WDR64: variants seen among roughly 807,000 people sequenced by gnomAD.
WDR64 encodes WD repeat-containing protein 64.
WDR64 carries 112 observed loss-of-function variants against 139.3 expected under a neutral mutation model. That is an observed-to-expected ratio of 0.80 (90% CI 0.69 to 0.94). The LOEUF (loss-of-function observed/expected upper bound fraction) is 0.94. WDR64 is among the 40% of genes least tolerant of loss of function. The pLI is 0.00. For synonymous variants in WDR64, 444 were observed against 437.7 expected (o/e 1.01, Z -0.18); for missense variants, 1,206 against 1,293.1 (o/e 0.93, Z 1.03).
chr1:241,759,072 G>A (rs1476376405), intron 15 of WDR64, among the ~76,000 whole-genome samples: 3 of 151,710 alleles, frequency 2.0e-5, no homozygotes, highest in African/African-American at 7.3e-5. Context: ...TTTGCTTTAT[G>A]CTATTATTTA....
At chr1:241,772,124 T>C (rs1239141684) in intron 19 of WDR64, among the ~76,000 whole-genome samples, 1 of 149,560 alleles carries the variant, frequency 6.7e-6, no homozygotes, top group African/African-American at 2.4e-5. Context: ...TCTTAGTCTC[T>C]AGCCATTTTT....
chr1:241,767,860 C>G (rs1240462938), intron 16 of WDR64, among the ~76,000 whole-genome samples: 1 of 152,156 alleles, frequency 6.6e-6, no homozygotes, highest in Non-Finnish European at 1.5e-5. Flanking sequence ...GGATCCTGCC[C>G]CTGGAATTCC....
chr1:241,757,559 G>A lies in WDR64; in HGVS notation c.1947+100G>A, dbSNP rs926310317. On this transcript the variant is annotated intron_variant, in intron 15 of 27. Coordinates refer to ENST00000437684, the MANE Select transcript of WDR64 (RefSeq NM_001367482.1). The stretch of plus-strand genomic sequence containing the variant: ...AGAAAATAATACAAAGAGCTTCTAT[G>A]TGTTATCACTCAGCTTCGAGAACTT... The A allele has an allele frequency of 2.7e-6, 3 of 1,112,542 alleles. No homozygotes were observed. The African/African-American group carries it at 4.8e-5, about 18-fold the overall frequency. The allele number at this position is 1,112,542 out of a possible 1,614,324, so 68.9% of individuals were successfully genotyped here.
chr1:241,789,696 A>G (rs1307316032), intron 24 of WDR64, among the ~76,000 whole-genome samples: 1 of 152,202 alleles, frequency 6.6e-6, no homozygotes, highest in Admixed American at 6.6e-5. Flanking sequence ...GTGGACACAC[A>G]GAGGGGAACA....
intron 8 of WDR64, among the ~76,000 whole-genome samples, chr1:241,690,935 C>T (rs1019214738): frequency 2.0e-5 from 3 of 151,962 alleles, no homozygotes; most frequent in Admixed American, 1.3e-4. Context: ...AATATATACA[C>T]ATATAAACAT....
intron 9 of WDR64, among the ~76,000 whole-genome samples, chr1:241,713,461 A>G (rs77365950): frequency 0.074 from 10,320 of 139,874 alleles, 470 homozygotes; most frequent in East Asian, 0.18. Context: ...AAGGAAAGGA[A>G]GGAAGGAAAG....
chr1:241,776,610 T>C (rs1658663517), intron 21 of WDR64, among the ~76,000 whole-genome samples: 2 of 152,216 alleles, frequency 1.3e-5, no homozygotes, highest in African/African-American at 4.8e-5. Context: ...TTCGCTTATC[T>C]ATCAATCTGT....
intron 7 of WDR64, among the ~76,000 whole-genome samples, chr1:241,687,070 C>T (rs1394433196): frequency 1.3e-5 from 2 of 152,046 alleles, no homozygotes; most frequent in East Asian, 1.9e-4. Context: ...TTTGGGAGGC[C>T]GAGGCAGGCA....
intron 9 of WDR64, among the ~76,000 whole-genome samples, chr1:241,722,673 A>C (rs1668653683): frequency 6.6e-6 from 1 of 152,218 alleles, no homozygotes; most frequent in Non-Finnish European, 1.5e-5. Context: ...ATTTTTAAAA[A>C]GTTAACAGTG....
intron 10 of WDR64, among the ~76,000 whole-genome samples, chr1:241,733,408 G>A (rs909870763): frequency 3.3e-5 from 5 of 152,040 alleles, no homozygotes; most frequent in African/African-American, 1.2e-4. Context: ...CCGGGAGATG[G>A]AGGTTGCAGT....
At chr1:241,658,503 G>A (rs1057011579) in intron 1 of WDR64, among the ~76,000 whole-genome samples, 1 of 151,880 alleles carries the variant, frequency 6.6e-6, no homozygotes, top group African/African-American at 2.4e-5. Flanking sequence ...GGTGGGTGTG[G>A]TGGTGGGTGC....
chr1:241,725,951 G>C (rs1027315242), intron 10 of WDR64, among the ~76,000 whole-genome samples: 1 of 152,128 alleles, frequency 6.6e-6, no homozygotes, highest in Non-Finnish European at 1.5e-5. Flanking sequence ...CTGGGCTCGA[G>C]GGATCCTCCC....
rs1669677040 is a variant in WDR64 at position 241,744,512 on chromosome 1, T to A, written c.1590T>A (p.Tyr530Ter). 2 of 1,614,000 alleles carry A rather than the reference T, an allele frequency of 1.2e-6. No homozygotes were observed. Among genetic ancestry groups the A allele is most frequent in the Non-Finnish European group, 1.7e-6 (2 of 1,179,966 alleles). The stretch of plus-strand genomic sequence containing the variant: ...GATTTCTTTTTGCCACAGGAGCGTA[T>A]AATGGTCAGACTAACATCCAGAATG... The part of the protein sequence containing the change: ...ESGFLFATGA[Y>*]NGTVRIWDFG... The change falls in exon 13 of 28, where the codon TAT becomes TAA. Residue 530 changes from tyrosine to a stop codon, truncating the protein, a stop_gained. Transcript: ENST00000437684. LOFTEE classifies it high-confidence loss of function.
intron 10 of WDR64, among the ~76,000 whole-genome samples, chr1:241,737,754 T>A (rs1187020277): frequency 6.6e-6 from 1 of 152,228 alleles, no homozygotes; most frequent in Non-Finnish European, 1.5e-5. Flanking sequence ...TTCTCTGATA[T>A]CAACTTAAGT....
At chr1:241,708,851 T>A (rs888060738) in intron 8 of WDR64, among the ~76,000 whole-genome samples, 2 of 152,114 alleles carry the variant, frequency 1.3e-5, no homozygotes, top group Non-Finnish European at 2.9e-5. Context: ...AGGAATTTCT[T>A]TTTTAATATC....
chr1:241,784,953 GAAAAAAAAAAAA>G (rs58720618), intron 23 of WDR64, among the ~76,000 whole-genome samples: 1 of 62,250 alleles, frequency 1.6e-5, no homozygotes. Flanking sequence ...GACTCTGTCT[GAAAAAAAAAAAA>G]AAAAAAAAAA....
At chr1:241,715,149 C>T (rs1276702585) in intron 9 of WDR64, among the ~76,000 whole-genome samples, 1 of 152,124 alleles carries the variant, frequency 6.6e-6, no homozygotes, top group East Asian at 1.9e-4. Flanking sequence ...GTGTGGGAGT[C>T]ATGGCTTGGG....
chr1:241,725,324 A>G (rs775272314), intron 10 of WDR64, among the ~76,000 whole-genome samples: 1 of 152,050 alleles, frequency 6.6e-6, no homozygotes, highest in Non-Finnish European at 1.5e-5. Flanking sequence ...ACAAGAAAAT[A>G]GGGAGGAAAC....
chr1:241,667,505 G>A (rs1286980579), intron 2 of WDR64, among the ~76,000 whole-genome samples: 4 of 152,118 alleles, frequency 2.6e-5, no homozygotes, highest in African/African-American at 4.8e-5. Flanking sequence ...AATTATCCTG[G>A]ATTATCTAGG....
Sources: gnomAD v4.1 joint callset for allele counts (sites outside exome capture counted in the v4.1 genomes callset) on GRCh38, gnomAD v4.1.1 for gene constraint, MANE v1.5 for transcripts, NCBI Gene and HGNC (gene_info 2026-07-23, HGNC 2026-07-21) for gene names.